Variants in SLCO4C1 observed in about 807,000 individuals in gnomAD.
SLCO4C1 encodes organic anion transporter M1.
SLCO4C1 carries 58 observed loss-of-function variants against 72.1 expected under a neutral mutation model. The ratio of observed to expected loss-of-function variants is 0.80; its 90% confidence interval spans 0.65 to 1.00. The LOEUF (loss-of-function observed/expected upper bound fraction) is 1.00, where lower values mean the gene tolerates loss of function less well. Ranked by LOEUF, SLCO4C1 falls within the 50% of genes least tolerant of loss-of-function variation. The pLI is 0.00. For synonymous variants in SLCO4C1, 297 were observed against 312.5 expected, an observed-to-expected ratio of 0.95 and a Z score of 0.52; for missense variants, 898 against 857.9, an observed-to-expected ratio of 1.05 and a Z score of -0.58.
At chr5:102,248,535 T>G (rs749290625) in intron 9 of SLCO4C1, among the ~76,000 whole-genome samples, 33 of 152,154 alleles carry the variant, frequency 2.2e-4, no homozygotes, top group Admixed American at 4.6e-4. Context: ...GTTGTTCCCT[T>G]GTGCAGGATG....
In SLCO4C1 at chr5:102,291,373, C is replaced by T. The variant is rs765379783; in HGVS notation, c.589G>A (p.Gly197Arg). 6.2e-6 allele frequency: 10 copies of T among 1,613,684 alleles called. No homozygotes were observed. The highest frequency in any genetic ancestry group is 8.5e-6 in the Non-Finnish European group (10 of 1,179,958). The stretch of plus-strand genomic sequence containing the variant: ...AAAAGAGACCCCAATTTATATTCTC[C>T]ACTGAAAAATTGTGGCAATGAGAAT... ...LVFSLPQFFSGEYKLGSLFED... is the reference protein window; with the variant it reads ...LVFSLPQFFSREYKLGSLFED... The change falls in exon 2 of 13, where the codon GGA becomes AGA. Residue 197 changes from glycine (G) to arginine (R), a missense_variant. Transcript: ENST00000310954.
At chr5:102,239,808 T>C (rs190367754) in intron 11 of SLCO4C1, among the ~76,000 whole-genome samples, 3 of 152,170 alleles carry the variant, frequency 2.0e-5, no homozygotes, top group Admixed American at 2.0e-4. Context: ...CATGTGTATA[T>C]AAACTAACAT....
Position 102,269,217 on chromosome 5 carries a change from C to T in SLCO4C1, c.802+1407G>A, listed in dbSNP as rs1749103788. Among the ~76,000 whole-genome samples the T allele has an allele frequency of 2.6e-5, 4 of 152,268 alleles. No individual in the cohort carries two copies. The South Asian group carries it at 8.3e-4, about 32-fold the overall frequency. ...ACCTGGATGTCTAATTTCTCACCCA[C>T]AATTTGAGATGTTTTCAGCATTATT... On this transcript the variant is annotated intron_variant, in intron 3 of 12. Transcript: ENST00000310954.
At chr5:102,256,581 TCA>T (rs1413337059) in intron 8 of SLCO4C1, among the ~76,000 whole-genome samples, 1 of 152,190 alleles carries the variant, frequency 6.6e-6, no homozygotes, top group African/African-American at 2.4e-5. Context: ...AATGGTTGAA[TCA>T]GTTATAGCTA....
chr5:102,238,139 C>T (rs891837697), intron 12 of SLCO4C1, among the ~76,000 whole-genome samples: 6 of 152,088 alleles, frequency 3.9e-5, no homozygotes, highest in Admixed American at 3.3e-4. Context: ...CAACTTACAA[C>T]TTTTTTTATT....
Position 102,236,892 on chromosome 5 carries a change from T to C in SLCO4C1, c.2141A>G (p.Glu714Gly), listed in dbSNP as rs914793609. 8.1e-6 allele frequency: 13 copies of C among 1,613,132 alleles called. No homozygotes were observed. Among genetic ancestry groups the C allele is most frequent in the Non-Finnish European group, 1.0e-5 (12 of 1,179,740 alleles). Residue 714 changes from glutamate to glycine, a missense_variant, in exon 13 of 13, where the codon GAA becomes GGA. Transcript: ENST00000310954. ...ENAVVTNVLA[E>G]QDLNKIVKEG Reference sequence around the variant, plus strand: ...TTTTACTATTTTGTTGAGATCCTGTTCTGCTAAAACATTAGTCACAACTGC... The same window carrying C: ...TTTTACTATTTTGTTGAGATCCTGTCCTGCTAAAACATTAGTCACAACTGC...
At chr5:102,237,441 A>C (rs1748458458) in intron 12 of SLCO4C1, among the ~76,000 whole-genome samples, 1 of 126,738 alleles carries the variant, frequency 7.9e-6, no homozygotes, top group Non-Finnish European at 1.6e-5. Flanking sequence ...GTCTCTACCA[A>C]AAAAAAAAAG....
At chr5:102,243,043 G>A (rs1206277292) in intron 10 of SLCO4C1, among the ~76,000 whole-genome samples, 1 of 152,140 alleles carries the variant, frequency 6.6e-6, no homozygotes, top group Non-Finnish European at 1.5e-5. Flanking sequence ...GGGCCATAAA[G>A]GAACATTGGT....
chr5:102,239,357 G>T lies in SLCO4C1; in HGVS notation c.1908C>A (p.Phe636Leu). Residue 636 changes from phenylalanine to leucine, a missense_variant, in exon 12 of 13, where the codon TTC becomes TTA. Physicochemically the swap from Phe to Leu is conservative, Grantham distance 22. Transcript: ENST00000310954. ...AAAGAATACATGTGCTGTCTATTGT[G>T]AAACCAAATATAATTGGTCCAGGAA... is the stretch of plus-strand genomic sequence containing the variant. ...GTIPGPIIFG[F>L]TIDSTCILWD... 1 of 1,593,030 alleles carries T rather than the reference G, an allele frequency of 6.3e-7. No homozygotes were observed. The highest frequency in any genetic ancestry group is 8.5e-7 in the Non-Finnish European group (1 of 1,170,456).
At chr5:102,291,763 T>C (rs1328530106) in intron 1 of SLCO4C1, among the ~76,000 whole-genome samples, 157 bp from the exon 2 acceptor site, 1 of 151,966 alleles carries the variant, frequency 6.6e-6, no homozygotes, top group African/African-American at 2.4e-5. Flanking sequence ...AACCTAAACA[T>C]ATTTCCTTGA....
chr5:102,262,058 A>G (rs1236592273), intron 4 of SLCO4C1, 25 bp from the exon 5 acceptor site: 3 of 1,590,682 alleles, frequency 1.9e-6, no homozygotes, highest in Non-Finnish European at 2.6e-6. Flanking sequence ...AACAAGAGGT[A>G]AAAGTCAACT....
In SLCO4C1 at chr5:102,263,735, A is replaced by C; in HGVS notation, c.848T>G (p.Val283Gly). 1 of 1,612,954 alleles carries C rather than the reference A, an allele frequency of 6.2e-7. No individual in the cohort carries two copies. The highest frequency in any genetic ancestry group is 8.5e-7 in the Non-Finnish European group (1 of 1,179,246). Reference sequence around the variant, plus strand: ...TATGGTTAGCAGTTGTCCTCCCAATACATAGCCAATAGCAGGGCCTAAGAT... The same window carrying C: ...TATGGTTAGCAGTTGTCCTCCCAATCCATAGCCAATAGCAGGGCCTAAGAT... ...MSILGPAIGY[V>G]LGGQLLTIYI... The change falls in exon 4 of 13, where the codon GTA becomes GGA. Residue 283 changes from valine (V) to glycine (G), a missense_variant. Transcript: ENST00000310954.
intron 10 of SLCO4C1, among the ~76,000 whole-genome samples, chr5:102,241,317 T>C (rs1461295851): frequency 1.3e-5 from 2 of 152,246 alleles, no homozygotes; most frequent in South Asian, 2.1e-4. Context: ...AAGGTAAGAT[T>C]ATCTCTGTGA....
chr5:102,257,237 T>C lies in SLCO4C1; in HGVS notation c.1347A>G (p.Thr449=). Residue 449 remains threonine (T), a synonymous_variant, in exon 8 of 13, where the codon ACA becomes ACG. Transcript: ENST00000310954. The part of the protein sequence containing the change: ...GGFLVSKFRM[T]CKNTMKFALF... ...GTGCAAACTTCATTGTGTTTTTACA[T>C]GTCATTCTGAATTTTGAAACAAGGA... 2 of 1,611,036 alleles carry C rather than the reference T, an allele frequency of 1.2e-6. No homozygotes were observed. The highest frequency in any genetic ancestry group is 8.5e-7 in the Non-Finnish European group (1 of 1,178,820).
intron 2 of SLCO4C1, among the ~76,000 whole-genome samples, chr5:102,273,606 T>C (rs1467990626): frequency 6.6e-6 from 1 of 152,176 alleles, no homozygotes; most frequent in Non-Finnish European, 1.5e-5. Flanking sequence ...AGCCAAATTG[T>C]CATTCAAATA....
intron 12 of SLCO4C1, among the ~76,000 whole-genome samples, chr5:102,238,196 T>G (rs1035891120): frequency 1.3e-5 from 2 of 152,170 alleles, no homozygotes; most frequent in African/African-American, 4.8e-5. Flanking sequence ...TGTGGGGGGA[T>G]TCCCATTCAT....
intron 9 of SLCO4C1, among the ~76,000 whole-genome samples, chr5:102,249,149 A>C (rs1450357921): frequency 1.3e-5 from 2 of 152,196 alleles, no homozygotes; most frequent in Non-Finnish European, 2.9e-5. Flanking sequence ...ACCCTTGAAC[A>C]ACACAGGTTT....
chr5:102,294,180 A>G (rs1324157333), intron 1 of SLCO4C1, among the ~76,000 whole-genome samples: 1 of 152,148 alleles, frequency 6.6e-6, no homozygotes, highest in Non-Finnish European at 1.5e-5. Context: ...AAGTGCTGCA[A>G]TTACAGGCGT....
rs143243461 is a variant in SLCO4C1 at position 102,276,366 on chromosome 5, A to G, written c.620-5560T>C. Among the ~76,000 whole-genome samples, 42 of 152,322 alleles carry G rather than the reference A, an allele frequency of 2.8e-4. 1 individual carries two copies. In the East Asian group the frequency reaches 7.7e-3, roughly 28 times the overall value. ...TCAGTTATTCTCCCACCTGAAAGCA[A>G]CACTGAAGTGTTAGCCCCAGCGGTG... On this transcript the variant is annotated intron_variant, in intron 2 of 12. Transcript: ENST00000310954.
Sources: allele counts gnomAD v4.1 joint callset (sites outside exome capture counted in the v4.1 genomes callset), GRCh38; gene constraint gnomAD v4.1.1; transcripts MANE v1.5; gene names NCBI Gene and HGNC (gene_info 2026-07-23, HGNC 2026-07-21).